Variants in LRRC8D observed in about 807,000 individuals in gnomAD.
The protein encoded by LRRC8D is leucine rich repeat containing 8 VRAC subunit D.
A neutral mutation model predicts 55.8 loss-of-function variants in LRRC8D; 20 were observed. The ratio of observed to expected loss-of-function variants is 0.36; its 90% confidence interval spans 0.25 to 0.52. The LOEUF is 0.52. Ranked by LOEUF, LRRC8D falls within the 20% of genes least tolerant of loss-of-function variation. The pLI, the probability that LRRC8D is intolerant of heterozygous loss-of-function variation, is 0.93. For missense variants in LRRC8D, 651 were observed against 1,030.8 expected (o/e 0.63, Z 5.05); for synonymous variants, 352 against 377.0 (o/e 0.93, Z 0.77).
chr1:89,865,075 C>CTTTT (rs1661809294), intron 2 of LRRC8D, among the ~76,000 whole-genome samples: 1 of 151,994 alleles, frequency 6.6e-6, no homozygotes, highest in Non-Finnish European at 1.5e-5. Flanking sequence ...ATTGATTTGC[C>CTTTT]TTTTCTAATA....
At chr1:89,927,480 T>C (rs1447992753) in intron 2 of LRRC8D, among the ~76,000 whole-genome samples, 1 of 152,252 alleles carries the variant, frequency 6.6e-6, no homozygotes, top group African/African-American at 2.4e-5. Context: ...TTAGAGCTAA[T>C]ACAAATGGTG....
At chr1:89,905,073 T>C (rs1256033641) in intron 2 of LRRC8D, among the ~76,000 whole-genome samples, 1 of 151,988 alleles carries the variant, frequency 6.6e-6, no homozygotes, top group Admixed American at 6.6e-5. Context: ...GAAAAGGAAC[T>C]TGGAAAGAAA....
chr1:89,876,576 G>A (rs1340315880), intron 2 of LRRC8D, among the ~76,000 whole-genome samples: 1 of 152,194 alleles, frequency 6.6e-6, no homozygotes, highest in African/African-American at 2.4e-5. Context: ...GAGCAGAGAG[G>A]TGGCAGGGTA....
chr1:89,898,690 C>T (rs1025169484), intron 2 of LRRC8D, among the ~76,000 whole-genome samples: 9 of 152,168 alleles, frequency 5.9e-5, no homozygotes, highest in African/African-American at 2.2e-4. Flanking sequence ...AAGCAAAGTA[C>T]CTTAAACACA....
At chr1:89,915,229 G>C (rs901151590) in intron 2 of LRRC8D, among the ~76,000 whole-genome samples, 3 of 152,140 alleles carry the variant, frequency 2.0e-5, no homozygotes, top group African/African-American at 7.2e-5. Flanking sequence ...GTAGCGTTTA[G>C]GAATGAATAG....
At chr1:89,876,786 A>G (rs1440555287) in intron 2 of LRRC8D, among the ~76,000 whole-genome samples, 1 of 152,210 alleles carries the variant, frequency 6.6e-6, no homozygotes, top group Non-Finnish European at 1.5e-5. Context: ...TGTTACAAAG[A>G]CTATACTGCC....
chr1:89,884,076 A>G (rs924252833), intron 2 of LRRC8D, among the ~76,000 whole-genome samples: 3 of 152,140 alleles, frequency 2.0e-5, no homozygotes, highest in African/African-American at 7.2e-5. Context: ...TTTCATGTTA[A>G]CCTTTTTTTC....
chr1:89,917,551 T>C (rs1663306627), intron 2 of LRRC8D, among the ~76,000 whole-genome samples: 1 of 152,106 alleles, frequency 6.6e-6, no homozygotes, highest in Non-Finnish European at 1.5e-5. Context: ...TTTGTTCCCC[T>C]CTCTCCACAG....
intron 1 of LRRC8D, among the ~76,000 whole-genome samples, chr1:89,839,861 T>G (rs1238297764): frequency 1.3e-5 from 2 of 152,224 alleles, no homozygotes; most frequent in Non-Finnish European, 2.9e-5. Flanking sequence ...ACTCCTGATA[T>G]TCACACAGAG....
intron 2 of LRRC8D, among the ~76,000 whole-genome samples, chr1:89,877,472 G>A (rs1398188878): frequency 6.6e-6 from 1 of 152,118 alleles, no homozygotes; most frequent in African/African-American, 2.4e-5. Flanking sequence ...CTTAATTATT[G>A]TTATTATTAT....
intron 2 of LRRC8D, among the ~76,000 whole-genome samples, chr1:89,866,882 G>C (rs559685430): frequency 0.012 from 1,895 of 152,280 alleles, 25 homozygotes; most frequent in Non-Finnish European, 0.017. Context: ...CAATCAGATA[G>C]ATACTTACAC....
chr1:89,902,390 A>C (rs1315138994), intron 2 of LRRC8D, among the ~76,000 whole-genome samples: 1 of 152,144 alleles, frequency 6.6e-6, no homozygotes, highest in Admixed American at 6.5e-5. Context: ...AGACTCAGGC[A>C]TTCTCTCTGT....
At position 89,935,885 on chromosome 1, in the gene LRRC8D, T is replaced by A. The variant is rs1557493198; in HGVS notation, c.*240T>A. 1.0e-5 allele frequency: 4 copies of A among 387,784 alleles called. No homozygotes were observed. Among genetic ancestry groups the A allele is most frequent in the South Asian group, 1.2e-4 (2 of 16,968 alleles). 24.0% of individuals were successfully genotyped at this position (387,784 alleles called of 1,614,324 possible). On this transcript the variant is annotated 3_prime_UTR_variant, in exon 3 of 3. Coordinates refer to ENST00000337338, the MANE Select transcript of LRRC8D (RefSeq NM_001134479.2). ...TTTGGGGAAAGGGAAGGAAAAATTATAATCACTAATCTTGGTTCTTTTTAA... is the reference window on the plus strand; with the variant it reads ...TTTGGGGAAAGGGAAGGAAAAATTAAAATCACTAATCTTGGTTCTTTTTAA...
chr1:89,923,603 C>T (rs558569605), intron 2 of LRRC8D, among the ~76,000 whole-genome samples: 1 of 152,102 alleles, frequency 6.6e-6, no homozygotes, highest in African/African-American at 2.4e-5. Context: ...CATATGGAAC[C>T]CAAAAAAAGC....
chr1:89,934,583 T>C lies in LRRC8D; in HGVS notation c.1515T>C (p.Ile505=), dbSNP rs759136157. The change falls in exon 3 of 3, where the codon ATT becomes ATC. Residue 505 remains isoleucine (I), a synonymous_variant. Coordinates refer to ENST00000337338, the MANE Select transcript of LRRC8D (RefSeq NM_001134479.2). The surrounding 1 kb of genome is among the most constrained non-coding windows in gnomAD (Gnocchi z 5.9). ...LKLELIPEAK[I]PAKISQMTNL... ...TTGAACTAATTCCAGAAGCTAAAAT[T>C]CCTGCTAAGATTTCTCAAATGACTA... 6.2e-7 allele frequency: 1 copy of C among 1,614,074 alleles called. No homozygotes were observed. Among genetic ancestry groups the C allele is most frequent in the Non-Finnish European group, 8.5e-7 (1 of 1,180,016 alleles).
intron 2 of LRRC8D, among the ~76,000 whole-genome samples, chr1:89,873,589 G>A (rs1294902002): frequency 1.3e-5 from 2 of 151,936 alleles, no homozygotes; most frequent in African/African-American, 4.8e-5. Context: ...TTAGAAGAGG[G>A]GTGTTATCAT....
At chr1:89,928,984 A>T (rs982185009) in intron 2 of LRRC8D, among the ~76,000 whole-genome samples, 1 of 152,216 alleles carries the variant, frequency 6.6e-6, no homozygotes, top group Non-Finnish European at 1.5e-5. Flanking sequence ...GATGTTAATA[A>T]ATGTTCTCAA....
Position 89,873,256 on chromosome 1 carries a change from A to G in LRRC8D, c.-3+29474A>G, listed in dbSNP as rs375503543. Among the ~76,000 whole-genome samples the G allele has an allele frequency of 2.1e-4, 32 of 152,374 alleles. No individual in the cohort carries two copies. In the East Asian group the frequency reaches 2.1e-3, roughly 10 times the overall value. Reference sequence around the variant, plus strand: ...AGCTGTCGATGCAAAGTTGCAAAATAACAAAGGCTTCTGTATTAATTTCTG... The same window carrying G: ...AGCTGTCGATGCAAAGTTGCAAAATGACAAAGGCTTCTGTATTAATTTCTG... On this transcript the variant is annotated intron_variant, in intron 2 of 2. Coordinates refer to ENST00000337338, the MANE Select transcript of LRRC8D (RefSeq NM_001134479.2).
At chr1:89,882,170 A>G (rs529888473) in intron 2 of LRRC8D, among the ~76,000 whole-genome samples, 1 of 152,338 alleles carries the variant, frequency 6.6e-6, no homozygotes, top group African/African-American at 2.4e-5. Flanking sequence ...GTTGTTTGAG[A>G]AACAAGTTCC....
Sources: gnomAD v4.1 joint callset for allele counts (sites outside exome capture counted in the v4.1 genomes callset) on GRCh38, gnomAD v4.1.1 for gene constraint, Gnocchi (gnomAD v3.1) non-coding constraint, MANE v1.5 for transcripts, NCBI Gene and HGNC (gene_info 2026-07-23, HGNC 2026-07-21) for gene names.